The following GPLD1 variants were observed in gnomAD, a reference collection of about 807,000 sequenced individuals.
The protein encoded by GPLD1 is phosphatidylinositol-glycan-specific phospholipase D.
Under a neutral mutation model 112.6 loss-of-function variants are expected in GPLD1, and 84 were observed. The observed-to-expected ratio is 0.75, with a 90% CI of 0.63 to 0.89. The LOEUF (loss-of-function observed/expected upper bound fraction) is 0.89. Among genes scored for constraint, GPLD1 ranks in the 40% least tolerant of loss-of-function variants. The pLI, the probability that GPLD1 is intolerant of heterozygous loss-of-function variation, is 0.00. For synonymous variants in GPLD1, 386 were observed against 403.8 expected (o/e 0.96, Z 0.53); for missense variants, 1,044 against 1,051.5 (o/e 0.99, Z 0.10).
chr6:24,438,790 TC>T (rs1554129387), intron 20 of GPLD1, among the ~76,000 whole-genome samples: 59 of 81,388 alleles, frequency 7.2e-4, no homozygotes, highest in Non-Finnish European at 9.1e-4. Flanking sequence ...CATTCCTTTT[TC>T]TTTTTTTATT....
intron 2 of GPLD1, among the ~76,000 whole-genome samples, chr6:24,482,653 G>A (rs2127368999): frequency 6.6e-6 from 1 of 152,304 alleles, no homozygotes; most frequent in African/African-American, 2.4e-5. Flanking sequence ...CCGACCTCAG[G>A]TGATCTGCCA....
chr6:24,482,117 T>TC (rs1554134241), intron 2 of GPLD1, among the ~76,000 whole-genome samples: 21 of 148,532 alleles, frequency 1.4e-4, no homozygotes, highest in Non-Finnish European at 2.4e-4. Flanking sequence ...TTTTTTTTTT[T>TC]TGAGATGGAG....
At chr6:24,441,724 G>A (rs1762751635) in intron 20 of GPLD1, among the ~76,000 whole-genome samples, 2 of 152,194 alleles carry the variant, frequency 1.3e-5, no homozygotes, top group African/African-American at 4.8e-5. Flanking sequence ...GGTCACACAG[G>A]CACTGCATTT....
At chr6:24,464,462 T>G (rs1763532521) in intron 10 of GPLD1, among the ~76,000 whole-genome samples, 1 of 152,238 alleles carries the variant, frequency 6.6e-6, no homozygotes, top group African/African-American at 2.4e-5. Context: ...ATGAGATTGC[T>G]ATCCCTGCCA....
At chr6:24,489,622 C>G (rs1002410226), upstream of GPLD1, 1 of 1,519,402 alleles carries the variant, frequency 6.6e-7, no homozygotes, top group Non-Finnish European at 8.8e-7. Flanking sequence ...AAGCAGGTCA[C>G]TGACCGAGGA....
chr6:24,428,298 C>T lies in GPLD1; in HGVS notation c.*734G>A, dbSNP rs1027584393. ...GCAGGAAGTGCTGGTTTGTTACATA[C>T]ATAAAGGTGTGTCATGGGGGTTTGT... is the stretch of plus-strand genomic sequence containing the variant. On this transcript the variant is annotated 3_prime_UTR_variant, in exon 25 of 25. Coordinates refer to ENST00000230036, the MANE Select transcript of GPLD1 (RefSeq NM_001503.4). The T allele has an allele frequency of 6.6e-6, 1 of 151,906 alleles. No individual in the cohort carries two copies. Among genetic ancestry groups the T allele is most frequent in the Non-Finnish European group, 1.5e-5 (1 of 68,022 alleles). 9.4% of individuals were successfully genotyped at this position (151,906 alleles called of 1,614,324 possible). A position where few individuals can be genotyped will look rare whatever the true frequency, so the allele number is the denominator to read the frequency against.
intron 2 of GPLD1, among the ~76,000 whole-genome samples, chr6:24,482,770 G>A (rs1466607605): frequency 3.3e-5 from 5 of 151,236 alleles, no homozygotes; most frequent in Non-Finnish European, 7.4e-5. Flanking sequence ...ACCAGCCTGG[G>A]TGACATGGCA....
intron 2 of GPLD1, among the ~76,000 whole-genome samples, chr6:24,482,734 G>A (rs149942412): frequency 4.0e-5 from 6 of 151,562 alleles, no homozygotes; most frequent in South Asian, 2.1e-4. Flanking sequence ...TGAGGTCAGC[G>A]GATCTCTTCA....
intron 24 of GPLD1, among the ~76,000 whole-genome samples, chr6:24,430,742 CCT>C (rs1274163787): frequency 6.6e-6 from 1 of 152,164 alleles, no homozygotes; most frequent in Non-Finnish European, 1.5e-5. Flanking sequence ...CTCTGATCAT[CCT>C]CTGATTGTCA....
chr6:24,490,941 G>C (rs953723365), upstream of GPLD1, among the ~76,000 whole-genome samples: 3 of 152,166 alleles, frequency 2.0e-5, no homozygotes, highest in Non-Finnish European at 2.9e-5. Flanking sequence ...ATATGCCTAC[G>C]TGTTTTGTTT....
chr6:24,429,226 C>T, intron 24 of GPLD1, 108 bp from the exon 25 acceptor site: 1 of 602,316 alleles, frequency 1.7e-6, no homozygotes, highest in Admixed American at 3.0e-5. Flanking sequence ...ATGAATAAGA[C>T]ACTGGCCAGA....
intron 20 of GPLD1, among the ~76,000 whole-genome samples, chr6:24,438,440 T>C (rs374217212): frequency 1.1e-4 from 16 of 152,326 alleles, no homozygotes; most frequent in African/African-American, 3.4e-4. Flanking sequence ...AGTGCGTGGA[T>C]ACAATCTCAC....
At chr6:24,494,017 A>AT (rs964629823), upstream of GPLD1, among the ~76,000 whole-genome samples, 1 of 152,182 alleles carries the variant, frequency 6.6e-6, no homozygotes. Flanking sequence ...CCCAAGTCTA[A>AT]TTTTTTAACG....
intron 22 of GPLD1, chr6:24,433,617 T>A: frequency 2.3e-6 from 1 of 434,814 alleles, no homozygotes; most frequent in Non-Finnish European, 4.1e-6. Context: ...TTCAGCCTCG[T>A]GAGTTGATGG....
chr6:24,459,849 C>CA (rs1203947065), intron 12 of GPLD1, among the ~76,000 whole-genome samples: 1 of 152,212 alleles, frequency 6.6e-6, no homozygotes, highest in Non-Finnish European at 1.5e-5. Context: ...CTTGACTTGA[C>CA]AGAGACCACT....
At chr6:24,494,420 G>C (rs559082712), upstream of GPLD1, among the ~76,000 whole-genome samples, 3 of 152,220 alleles carry the variant, frequency 2.0e-5, no homozygotes, top group South Asian at 6.2e-4. Context: ...ACCCAAAAAA[G>C]CAGCCAGGCA....
intron 17 of GPLD1, among the ~76,000 whole-genome samples, chr6:24,447,363 G>A (rs1191700060): frequency 3.3e-5 from 5 of 151,846 alleles, no homozygotes; most frequent in East Asian, 1.9e-4. Context: ...AAAATTAGCC[G>A]GGCATGGTGG....
intron 17 of GPLD1, among the ~76,000 whole-genome samples, chr6:24,447,637 C>G (rs1165757529): frequency 6.6e-6 from 1 of 152,180 alleles, no homozygotes; most frequent in Non-Finnish European, 1.5e-5. Context: ...CATGGAGACA[C>G]TATGGGAATA....
chr6:24,476,269 TG>T lies in GPLD1; in HGVS notation c.241del (p.His81MetfsTer36). 1 of 1,537,368 alleles carries T rather than the reference TG, an allele frequency of 6.5e-7. No homozygotes were observed. The highest frequency in any genetic ancestry group is 8.9e-7 in the Non-Finnish European group (1 of 1,126,796). ...YPSICKGGKF[H>X]DVSESTHWTP... is the part of the protein sequence containing the mutation. The stretch of plus-strand genomic sequence containing the variant: ...CCAGTGAGTGCTCTCAGACACATCA[TG>T]GAATTTTCCTGACAAAACAAAAGCA... On this transcript the variant is annotated frameshift_variant, in exon 4 of 25. Coordinates refer to ENST00000230036, the MANE Select transcript of GPLD1 (RefSeq NM_001503.4). LOFTEE classifies it high-confidence loss of function.
Sources: gnomAD v4.1 joint callset for allele counts (sites outside exome capture counted in the v4.1 genomes callset) on GRCh38, gnomAD v4.1.1 for gene constraint, MANE v1.5 for transcripts, NCBI Gene and HGNC (gene_info 2026-07-23, HGNC 2026-07-21) for gene names.